Variants in LONP2 observed in about 807,000 individuals in gnomAD.
LONP2 encodes the protein lon protease homolog 2, peroxisomal.
A neutral mutation model predicts 85.6 loss-of-function variants in LONP2; 60 were observed. That is an observed-to-expected ratio of 0.70 (90% CI 0.57 to 0.87). The LOEUF (loss-of-function observed/expected upper bound fraction) is 0.87. Ranked by LOEUF, LONP2 falls within the 40% of genes least tolerant of loss-of-function variation. The pLI, the probability that LONP2 is intolerant of heterozygous loss-of-function variation, is 0.00. For synonymous variants in LONP2, 395 were observed against 389.7 expected, an observed-to-expected ratio of 1.01 and a Z score of -0.16; for missense variants, 860 against 1,063.5, an observed-to-expected ratio of 0.81 and a Z score of 2.66.
chr16:48,321,072 C>G (rs1268536254), intron 11 of LONP2, among the ~76,000 whole-genome samples: 1 of 152,052 alleles, frequency 6.6e-6, no homozygotes, highest in Non-Finnish European at 1.5e-5. Flanking sequence ...TAGCTGGGAC[C>G]ACAGGTTTTG....
At chr16:48,348,735 C>CCT (rs1402640992) in intron 14 of LONP2, among the ~76,000 whole-genome samples, 3 of 152,090 alleles carry the variant, frequency 2.0e-5, no homozygotes, top group Non-Finnish European at 4.4e-5. Context: ...CTCATGCAGT[C>CCT]CTCTCATCTC....
intron 14 of LONP2, among the ~76,000 whole-genome samples, chr16:48,348,642 G>T (rs1273719170): frequency 1.3e-5 from 2 of 151,940 alleles, no homozygotes; most frequent in African/African-American, 4.8e-5. Context: ...ATAGGAGCAC[G>T]CCACCATGCT....
chr16:48,305,550 T>A (rs1399151625), intron 11 of LONP2, among the ~76,000 whole-genome samples: 1 of 152,188 alleles, frequency 6.6e-6, no homozygotes, highest in Non-Finnish European at 1.5e-5. Context: ...CCACTGCGCC[T>A]GGCTTTATTT....
chr16:48,244,322 G>T lies in LONP2; in HGVS notation c.-67G>T. On this transcript the variant is annotated 5_prime_UTR_variant, in exon 1 of 15. Transcript: ENST00000285737. ...GGCGGGTCTGAGGTTTGGTGACTGC[G>T]GGGCAGGCCGGGGGCAGCTGTCTGT... is the stretch of plus-strand genomic sequence containing the variant. 2 of 1,225,152 alleles carry T rather than the reference G, an allele frequency of 1.6e-6. No homozygotes were observed. Among genetic ancestry groups the T allele is most frequent in the Non-Finnish European group, 1.1e-6 (1 of 912,102 alleles). 75.9% of individuals were successfully genotyped at this position (1,225,152 alleles called of 1,614,324 possible).
At chr16:48,286,421 G>T (rs1439352925) in intron 8 of LONP2, among the ~76,000 whole-genome samples, 1 of 152,080 alleles carries the variant, frequency 6.6e-6, no homozygotes, top group African/African-American at 2.4e-5. Context: ...GATTACAGTC[G>T]TGAGCCACCG....
At chr16:48,303,779 G>A (rs754592575) in intron 11 of LONP2, among the ~76,000 whole-genome samples, 21 of 152,168 alleles carry the variant, frequency 1.4e-4, no homozygotes, top group Admixed American at 3.3e-4. Flanking sequence ...AACCACTGGC[G>A]TACGTTCAAG....
At chr16:48,264,605 A>G (rs777606517) in intron 6 of LONP2, among the ~76,000 whole-genome samples, 2 of 152,226 alleles carry the variant, frequency 1.3e-5, no homozygotes, top group Non-Finnish European at 2.9e-5. Flanking sequence ...TCCTGAGGCC[A>G]CATACATCCT....
chr16:48,319,084 A>C (rs1294663632), intron 11 of LONP2, among the ~76,000 whole-genome samples: 2 of 152,092 alleles, frequency 1.3e-5, no homozygotes, highest in African/African-American at 4.8e-5. Flanking sequence ...TAATGTTTAG[A>C]AAGTAACCTC....
rs1960222652 is a variant in LONP2 at position 48,353,512 on chromosome 16, A to T, written c.*1710A>T. ...ACCCTGTCTCAAAAAAAAAAAAAAA[A>T]AAAAAGATTGGGCCAAAATACTGTG... On this transcript the variant is annotated 3_prime_UTR_variant, in exon 15 of 15. Coordinates refer to ENST00000285737, the MANE Select transcript of LONP2 (RefSeq NM_031490.5). 2 of 154,136 alleles carry T rather than the reference A, an allele frequency of 1.3e-5. No homozygotes were observed. Among genetic ancestry groups the T allele is most frequent in the African/African-American group, 4.8e-5 (2 of 41,402 alleles). 9.5% of individuals were successfully genotyped at this position (154,136 alleles called of 1,614,324 possible). A position where few individuals can be genotyped will look rare whatever the true frequency, so the allele number is the denominator to read the frequency against.
downstream of LONP2, among the ~76,000 whole-genome samples, chr16:48,359,371 C>T (rs549644571): frequency 6.6e-6 from 1 of 152,306 alleles, no homozygotes; most frequent in African/African-American, 2.4e-5. Context: ...AGCACACATG[C>T]TAATGAACAG....
At chr16:48,264,087 C>T (rs569284511) in intron 6 of LONP2, among the ~76,000 whole-genome samples, 6 of 152,092 alleles carry the variant, frequency 3.9e-5, no homozygotes, top group African/African-American at 7.2e-5. Flanking sequence ...GGAGGCAGGG[C>T]GAGATCACAG....
chr16:48,341,180 GTC>G (rs952720333), intron 12 of LONP2, among the ~76,000 whole-genome samples: 12 of 152,058 alleles, frequency 7.9e-5, no homozygotes, highest in African/African-American at 2.9e-4. Flanking sequence ...CACACCTGTA[GTC>G]TCAGCTACTC....
chr16:48,341,541 A>C (rs1959808834), intron 12 of LONP2, among the ~76,000 whole-genome samples: 1 of 151,988 alleles, frequency 6.6e-6, no homozygotes, highest in Admixed American at 6.6e-5. Context: ...ATTCATGAGA[A>C]ATTTCCCTCC....
intron 12 of LONP2, among the ~76,000 whole-genome samples, chr16:48,338,600 T>C (rs1959721787): frequency 6.6e-6 from 1 of 152,116 alleles, no homozygotes; most frequent in Non-Finnish European, 1.5e-5. Flanking sequence ...AGAGCTCTTT[T>C]GAACACATTA....
chr16:48,255,449 A>G (rs553916291), intron 2 of LONP2, among the ~76,000 whole-genome samples: 1 of 152,350 alleles, frequency 6.6e-6, no homozygotes, highest in South Asian at 2.1e-4. Context: ...CCCAGAAGAA[A>G]AGGGGAGTTT....
chr16:48,301,819 T>G (rs1972811769), intron 10 of LONP2, among the ~76,000 whole-genome samples: 1 of 152,208 alleles, frequency 6.6e-6, no homozygotes, highest in Non-Finnish European at 1.5e-5. Context: ...CTTCTGACAT[T>G]AAGATAAAAT....
chr16:48,286,859 A>C (rs1359055404), intron 8 of LONP2, among the ~76,000 whole-genome samples: 1 of 151,334 alleles, frequency 6.6e-6, no homozygotes, highest in Admixed American at 6.6e-5. Flanking sequence ...TGTGTGTCTC[A>C]TAATTTTTTT....
At chr16:48,275,989 G>A (rs1426580014) in intron 7 of LONP2, among the ~76,000 whole-genome samples, 4 of 152,050 alleles carry the variant, frequency 2.6e-5, no homozygotes, top group African/African-American at 4.8e-5. Flanking sequence ...ATAAATAACT[G>A]CAGCAAAAAA....
intron 10 of LONP2, among the ~76,000 whole-genome samples, chr16:48,302,707 C>G (rs552408018): frequency 4.6e-5 from 7 of 152,172 alleles, no homozygotes; most frequent in Non-Finnish European, 1.0e-4. Flanking sequence ...TAGTGAAAAC[C>G]AGATTTCTGT....
Sources: allele counts gnomAD v4.1 joint callset (sites outside exome capture counted in the v4.1 genomes callset), GRCh38; gene constraint gnomAD v4.1.1; transcripts MANE v1.5; gene names NCBI Gene and HGNC (gene_info 2026-07-23, HGNC 2026-07-21).